Variants in COL5A3 observed in about 807,000 individuals in gnomAD.
The protein encoded by COL5A3 is collagen alpha-3(V) chain.
COL5A3 carries 172 observed loss-of-function variants against 250.0 expected under a neutral mutation model. That is an observed-to-expected ratio of 0.69 (90% CI 0.61 to 0.78). COL5A3 has a LOEUF of 0.78. Ranked by LOEUF, COL5A3 falls within the 30% of genes least tolerant of loss-of-function variation. The pLI is 0.00. For synonymous variants in COL5A3, 937 were observed against 900.4 expected (o/e 1.04, Z -0.73); for missense variants, 2,340 against 2,334.4 (o/e 1.00, Z -0.05).
chr19:9,973,538 G>A, intron 50 of COL5A3, 32 bp downstream of exon 50: 1 of 1,598,322 alleles, frequency 6.3e-7, no homozygotes, highest in South Asian at 1.1e-5. Context: ...TCCCTGAGTT[G>A]GGTGCAGGGA....
chr19:10,006,375 G>A (rs1175015199), intron 1 of COL5A3, 144 bp from the exon 2 acceptor site: 6 of 789,790 alleles, frequency 7.6e-6, no homozygotes, highest in African/African-American at 3.5e-5. Context: ...CAGGAAGAAG[G>A]AGCCGGCCTG....
Position 9,979,190 on chromosome 19 carries a change from G to T in COL5A3, c.2816C>A (p.Pro939His). ...GPLGERGPPG[P>H]PGPPGEQGLP... ...ACCTTGTTCACCAGGAGGTCCAGGG[G>T]GGCCTGGAGGCCCCCTTTCACCTAG... The change falls in exon 39 of 67, where the codon CCC becomes CAC. Residue 939 changes from proline to histidine, a missense_variant. By Grantham distance (77) the Pro-to-His change is moderately conservative. Transcript: ENST00000264828. The T allele has an allele frequency of 6.2e-7, 1 of 1,603,142 alleles. No homozygotes were observed. Among genetic ancestry groups the T allele is most frequent in the South Asian group, 1.1e-5 (1 of 89,782 alleles).
intron 8 of COL5A3, 49 bp downstream of exon 8, chr19:10,001,475 A>T: frequency 6.4e-7 from 1 of 1,560,844 alleles, no homozygotes; most frequent in Non-Finnish European, 8.6e-7. Flanking sequence ...AAAAATTTTA[A>T]TAGGAATCCC....
chr19:9,961,801 G>T (rs141799919), intron 65 of COL5A3, among the ~76,000 whole-genome samples: 4 of 151,002 alleles, frequency 2.6e-5, no homozygotes, highest in Admixed American at 1.3e-4. Flanking sequence ...CTCGTGATCC[G>T]CCCACCTTGG....
intron 24 of COL5A3, among the ~76,000 whole-genome samples, chr19:9,990,475 G>A (rs1348331346): frequency 2.0e-5 from 3 of 151,728 alleles, no homozygotes; most frequent in Non-Finnish European, 4.4e-5. Context: ...GATACTACAT[G>A]ACATGATTCT....
At chr19:9,982,160 T>C (rs572416056) in intron 31 of COL5A3, 42 bp from the exon 32 acceptor site, 2 of 1,435,206 alleles carry the variant, frequency 1.4e-6, no homozygotes, top group South Asian at 2.6e-5. Context: ...GGGTGAGGAG[T>C]GAGTGGTGGG....
chr19:10,004,149 G>C lies in COL5A3; in HGVS notation c.595-4C>G. 6.2e-7 allele frequency: 1 copy of C among 1,610,942 alleles called. No individual in the cohort carries two copies. The highest frequency in any genetic ancestry group is 2.2e-5 in the East Asian group (1 of 44,856). On this transcript the variant is annotated splice_polypyrimidine_tract_variant and splice_region_variant and intron_variant, in intron 4 of 66. Transcript: ENST00000264828. The stretch of plus-strand genomic sequence containing the variant: ...TCAGCAGCTCCTGAATGTCTCCCTG[G>C]GGGTTGGGGGTGTAGGAGTCAAGGA...
intron 51 of COL5A3, among the ~76,000 whole-genome samples, chr19:9,971,535 A>G (rs1232142208): frequency 1.3e-5 from 2 of 152,182 alleles, no homozygotes; most frequent in South Asian, 2.1e-4. Context: ...CTATTCATTC[A>G]TTGATTCGTC....
chr19:10,006,093 G>A lies in COL5A3; in HGVS notation c.227C>T (p.Pro76Leu). Residue 76 changes from proline to leucine, a missense_variant, in exon 2 of 67, where the codon CCC (proline) becomes CTC (leucine). Physicochemically the swap from Pro to Leu is moderately conservative, Grantham distance 98. Transcript: ENST00000264828. ...RIGQASTLGI[P>L]TWELFPEGHF... ...CTCACCTGGAAAGAGTTCCCACGTG[G>A]GGATGCCGAGCGTGCTGGCCTGGCC... The A allele has an allele frequency of 6.2e-7, 1 of 1,614,040 alleles. No individual in the cohort carries two copies. The highest frequency in any genetic ancestry group is 8.5e-7 in the Non-Finnish European group (1 of 1,179,940).
Position 9,973,041 on chromosome 19 carries a change from G to T in COL5A3, c.3667-15C>A, listed in dbSNP as rs775507038. Reference sequence around the variant, plus strand: ...CCCTTGGGCCCCTTTACAGAAAGAGGTCAGAGGTCAGAGTGGCCTGGACTC... The same window carrying T: ...CCCTTGGGCCCCTTTACAGAAAGAGTTCAGAGGTCAGAGTGGCCTGGACTC... On this transcript the variant is annotated splice_polypyrimidine_tract_variant and intron_variant, in intron 50 of 66. Coordinates refer to ENST00000264828, the MANE Select transcript of COL5A3 (RefSeq NM_015719.4). 4.4e-6 allele frequency: 7 copies of T among 1,587,754 alleles called. No homozygotes were observed. In the African/African-American group the frequency reaches 8.1e-5, roughly 18 times the overall value.
Position 9,960,511 on chromosome 19 carries a change from C to T in COL5A3, c.5138G>A (p.Arg1713Gln), listed in dbSNP as rs200669600. 7.4e-5 allele frequency: 120 copies of T among 1,614,156 alleles called. No homozygotes were observed. Among genetic ancestry groups the T allele is most frequent in the South Asian group, 4.9e-4 (45 of 91,074 alleles). The change falls in exon 67 of 67, where the codon CGA becomes CAA. Residue 1713 changes from arginine (R) to glutamine (Q), a missense_variant. This residue lies in a region of COL5A3 where 1,179 missense variants were observed against 1,162.6 expected (regional missense o/e 1.01). Transcript: ENST00000264828. ...TKTLFEFSSS[R>Q]AGFLPLWDVA... Reference sequence around the variant, plus strand: ...ATCCCACAGGGGCAGAAATCCCGCTCGAGAAGAGCTGAATTCGAAAAGGGT... The same window carrying T: ...ATCCCACAGGGGCAGAAATCCCGCTTGAGAAGAGCTGAATTCGAAAAGGGT...
chr19:9,974,253 A>ATTGTCT (rs749051454), intron 46 of COL5A3, 29 bp from the exon 47 acceptor site: 3 of 1,613,172 alleles, frequency 1.9e-6, no homozygotes, highest in Non-Finnish European at 2.5e-6. Flanking sequence ...AGATTGGGGC[A>ATTGTCT]CCAGGTAGGG....
chr19:9,968,495 G>A lies in COL5A3; in HGVS notation c.4207-3C>T, dbSNP rs1407848011. On this transcript the variant is annotated splice_polypyrimidine_tract_variant and splice_region_variant and intron_variant, in intron 58 of 66. Transcript: ENST00000264828. This position sits in a 1 kb window ranked among gnomAD's most constrained non-coding sequence, Gnocchi z 4.1. Reference sequence around the variant, plus strand: ...AGACCGATCAATCCAATGTGGCCCTGAAGGACAAAAGAGGCACAGACAGGG... The same window carrying A: ...AGACCGATCAATCCAATGTGGCCCTAAAGGACAAAAGAGGCACAGACAGGG... The A allele has an allele frequency of 6.9e-6, 11 of 1,584,214 alleles. No individual in the cohort carries two copies. In the African/African-American group the frequency reaches 1.2e-4, roughly 18 times the overall value.
chr19:9,985,242 C>T (rs1456917167), intron 31 of COL5A3, among the ~76,000 whole-genome samples: 2 of 147,952 alleles, frequency 1.4e-5, no homozygotes, highest in East Asian at 4.0e-4. Context: ...TGAGCCACTG[C>T]CCCCGGCCAC....
chr19:9,985,751 C>T, intron 31 of COL5A3, 91 bp downstream of exon 31: 1 of 1,202,790 alleles, frequency 8.3e-7, no homozygotes, highest in Non-Finnish European at 1.2e-6. Flanking sequence ...GGGTGGGCAG[C>T]TCATCCCCCA....
At chr19:9,965,295 C>T (rs1206218061) in intron 64 of COL5A3, among the ~76,000 whole-genome samples, 1 of 151,422 alleles carries the variant, frequency 6.6e-6, no homozygotes, top group African/African-American at 2.4e-5. Flanking sequence ...GCTGGGACTA[C>T]AGGCGCCTGC....
chr19:9,998,240 A>G lies in COL5A3; in HGVS notation c.1111-91T>C, dbSNP rs980203171. On this transcript the variant is annotated intron_variant, in intron 8 of 66. Coordinates refer to ENST00000264828, the MANE Select transcript of COL5A3 (RefSeq NM_015719.4). The stretch of plus-strand genomic sequence containing the variant: ...TCTGATCACACACACTTGCACACAC[A>G]CACACACACACACACACGGAGTCCA... 262 of 1,160,272 alleles carry G rather than the reference A, an allele frequency of 2.3e-4. 1 individual carries two copies. The highest frequency in any genetic ancestry group is 3.9e-4 in the Admixed American group (18 of 46,004). The allele number at this position is 1,160,272 out of a possible 1,614,324, so 71.9% of individuals were successfully genotyped here. A position where few individuals can be genotyped will look rare whatever the true frequency, so the allele number is the denominator to read the frequency against.
At position 10,003,577 on chromosome 19, in the gene COL5A3, G is replaced by A. The variant is rs577392929; in HGVS notation, c.837C>T (p.Ser279=). Residue 279 remains serine (S), a synonymous_variant, in exon 6 of 67, where the codon TCC becomes TCT. Coordinates refer to ENST00000264828, the MANE Select transcript of COL5A3 (RefSeq NM_015719.4). ...EIWTSSPPPD[S]AENQTSTDIP... is the part of the protein sequence containing the mutation. ...TCAGGGCCCTTACCTGGTTCTCTGC[G>A]GAGTCAGGAGGTGGACTTGAGGTCC... 7.4e-5 allele frequency: 119 copies of A among 1,614,152 alleles called. No homozygotes were observed. Among genetic ancestry groups the A allele is most frequent in the Admixed American group, 2.0e-4 (12 of 60,020 alleles).
At chr19:10,007,161 T>TTTCCCCTCTGACCTCCTCCCTCTGACA (rs1464850668) in intron 1 of COL5A3, among the ~76,000 whole-genome samples, 1 of 147,338 alleles carries the variant, frequency 6.8e-6, no homozygotes, top group Non-Finnish European at 1.5e-5. Flanking sequence ...CTCCTCTGAC[T>TTTCCCCTCTGACCTCCTCCCTCTGACA]TTCCCCTCTG....
Sources: allele counts gnomAD v4.1 joint callset (sites outside exome capture counted in the v4.1 genomes callset), GRCh38; gene constraint gnomAD v4.1.1; regional missense constraint gnomAD v4.1.1; non-coding constraint Gnocchi (gnomAD v3.1); transcripts MANE v1.5; gene names NCBI Gene and HGNC (gene_info 2026-07-23, HGNC 2026-07-21).